The following TTC39C variants were observed in gnomAD, a reference collection of about 807,000 sequenced individuals.
The protein encoded by TTC39C is tetratricopeptide repeat protein 39C.
In TTC39C, 33 loss-of-function variants were observed where a neutral mutation model predicts 76.3. The observed-to-expected ratio is 0.43, with a 90% confidence interval of 0.33 to 0.58. The LOEUF (loss-of-function observed/expected upper bound fraction) is 0.58. TTC39C is among the 20% of genes least tolerant of loss of function. The probability of loss-of-function intolerance (pLI) is 0.04; values close to 1 mark genes in which losing one functional copy is unlikely to be tolerated. For missense variants in TTC39C, 595 were observed against 701.4 expected (o/e 0.85, Z 1.71); for synonymous variants, 254 against 260.6 (o/e 0.97, Z 0.24).
upstream of TTC39C, among the ~76,000 whole-genome samples, chr18:24,014,208 C>T (rs918670128): frequency 1.3e-5 from 2 of 151,916 alleles, no homozygotes; most frequent in African/African-American, 4.8e-5. Flanking sequence ...TCTGGGGTCG[C>T]GGGCGCGGGC....
intron 4 of TTC39C, among the ~76,000 whole-genome samples, chr18:24,071,889 A>T (rs1479304397): frequency 6.6e-6 from 1 of 152,174 alleles, no homozygotes; most frequent in Non-Finnish European, 1.5e-5. Flanking sequence ...CTGAAGTCCT[A>T]TGATTTATTG....
chr18:24,059,394 T>C (rs142220400), intron 1 of TTC39C, among the ~76,000 whole-genome samples: 1,954 of 152,262 alleles, frequency 0.013, 17 homozygotes, highest in Non-Finnish European at 0.021. Flanking sequence ...GGCCTCCGTG[T>C]CTGTTGTTCC....
Position 24,134,826 on chromosome 18 carries a change from AC to A in TTC39C, c.*2253del, listed in dbSNP as rs573261324. On this transcript the variant is annotated 3_prime_UTR_variant, in exon 14 of 14. Transcript: ENST00000317571. ...CCTGTGCTTTTGAATCTTTTTCAAAACATTTATTTCTGCCTGCTTAAAAAAA... is the reference window on the plus strand; with the variant it reads ...CCTGTGCTTTTGAATCTTTTTCAAAAATTTATTTCTGCCTGCTTAAAAAAA... 4 of 152,196 alleles carry A rather than the reference AC, an allele frequency of 2.6e-5. No homozygotes were observed. The highest frequency in any genetic ancestry group is 9.6e-5 in the African/African-American group (4 of 41,518). The allele number at this position is 152,196 out of a possible 1,614,324, so 9.4% of individuals were successfully genotyped here.
chr18:24,045,915 A>T (rs374120859), intron 1 of TTC39C, among the ~76,000 whole-genome samples: 58 of 20,242 alleles, frequency 2.9e-3, no homozygotes, highest in African/African-American at 8.6e-3. Flanking sequence ...ATATATATAT[A>T]TATATATATA....
At chr18:24,129,773 CAAA>C (rs5823413) in intron 11 of TTC39C, among the ~76,000 whole-genome samples, 33 of 94,978 alleles carry the variant, frequency 3.5e-4, no homozygotes, top group Admixed American at 5.4e-4. Context: ...GACTCCATCT[CAAA>C]AAAAAAAAAA....
intron 4 of TTC39C, 102 bp from the exon 5 acceptor site, chr18:24,080,483 A>G (rs2084362618): frequency 1.2e-6 from 1 of 847,408 alleles, no homozygotes; most frequent in Non-Finnish European, 1.8e-6. Flanking sequence ...TGTTTTTTAC[A>G]TTTTTGGCTT....
Position 24,107,438 on chromosome 18 carries a change from A to G in TTC39C, c.985-7116A>G, listed in dbSNP as rs373693783. Among the ~76,000 whole-genome samples the G allele has an allele frequency of 2.6e-5, 4 of 152,180 alleles. No homozygotes were observed. In the South Asian group the frequency reaches 8.3e-4, roughly 32 times the overall value. On this transcript the variant is annotated intron_variant, in intron 6 of 13. Coordinates refer to ENST00000317571, the MANE Select transcript of TTC39C (RefSeq NM_001135993.2). ...AATTTCCTCTTGAATTTTGGTTCCC[A>G]TAGTCCCCATGTGTCATGGGAGGGG...
intron 1 of TTC39C, among the ~76,000 whole-genome samples, chr18:24,051,451 A>G (rs530339604): frequency 6.6e-6 from 1 of 152,258 alleles, no homozygotes; most frequent in East Asian, 1.9e-4. Context: ...GGTGCCCCTG[A>G]CCTGCAGGGA....
intron 1 of TTC39C, among the ~76,000 whole-genome samples, chr18:24,060,307 G>A (rs111870015): frequency 0.072 from 9,553 of 132,798 alleles, 502 homozygotes; most frequent in East Asian, 0.27. Context: ...TTTGATTTGC[G>A]TTTCTGTTTT....
At position 24,037,940 on chromosome 18, in the gene TTC39C, A is replaced by G. The variant is rs78692472; in HGVS notation, c.167+22902A>G. Among the ~76,000 whole-genome samples, 747 of 152,178 alleles carry G rather than the reference A, an allele frequency of 4.9e-3. 7 individuals carry two copies. Among genetic ancestry groups the G allele is most frequent in the African/African-American group, 0.017 (697 of 41,486 alleles). On this transcript the variant is annotated intron_variant, in intron 1 of 13. Transcript: ENST00000317571. ...TTTCAGGCGACATGTTTCTTCAGAG[A>G]CTTCCCTGCAGGTGAGGCCTCAGCC...
chr18:23,996,253 G>A (rs1440523796), intron 1 of TTC39C, among the ~76,000 whole-genome samples: 1 of 152,154 alleles, frequency 6.6e-6, no homozygotes, highest in East Asian at 1.9e-4. Flanking sequence ...TTTCTAATTG[G>A]ATTTGGGCAT....
intron 6 of TTC39C, among the ~76,000 whole-genome samples, chr18:24,097,479 G>A (rs2084604989): frequency 6.6e-6 from 1 of 152,176 alleles, no homozygotes; most frequent in Non-Finnish European, 1.5e-5. Context: ...GCTGATCTGG[G>A]TGCAGTGGTT....
At chr18:24,016,760 C>G (rs1363539567) in intron 1 of TTC39C, 1 of 398,384 alleles carries the variant, frequency 2.5e-6, no homozygotes. Context: ...TTGGAGGTGT[C>G]CAGGGAATAT....
chr18:24,019,918 T>C (rs923430202), intron 1 of TTC39C: 9 of 1,521,924 alleles, frequency 5.9e-6, no homozygotes, highest in Non-Finnish European at 7.9e-6. Context: ...TCAAAGGCGC[T>C]TGTAAGAGAT....
chr18:24,007,618 A>T (rs1018250973), intron 1 of TTC39C, among the ~76,000 whole-genome samples: 1 of 152,206 alleles, frequency 6.6e-6, no homozygotes, highest in African/African-American at 2.4e-5. Flanking sequence ...TTCTGACCTC[A>T]GGTGATCCAC....
At position 24,028,359 on chromosome 18, in the gene TTC39C, TATAAG is replaced by T. The variant is rs150983170; in HGVS notation, c.167+13323_167+13327del. Among the ~76,000 whole-genome samples, 1,169 of 152,304 alleles carry T rather than the reference TATAAG, an allele frequency of 7.7e-3. 14 individuals are homozygous for T. Among genetic ancestry groups the T allele is most frequent in the African/African-American group, 0.027 (1,110 of 41,556 alleles). ...TGACATTTTGGATCTGGGCTGGGCT[TATAAG>T]AGAGAGTAGTTGAGGCTAACTTGAA... On this transcript the variant is annotated intron_variant, in intron 1 of 13. Transcript: ENST00000317571.
At chr18:24,131,969 C>CACTGTATGGGATACTCAG in intron 13 of TTC39C, 49 bp downstream of exon 13, 1 of 1,525,798 alleles carries the variant, frequency 6.6e-7, no homozygotes, top group Non-Finnish European at 9.0e-7. Context: ...TTATCCCATA[C>CACTGTATGGGATACTCAG]ACTGTATACC....
intron 6 of TTC39C, among the ~76,000 whole-genome samples, chr18:24,105,236 CAT>C (rs942841406): frequency 6.6e-6 from 1 of 152,080 alleles, no homozygotes; most frequent in Non-Finnish European, 1.5e-5. Context: ...TGGCCAATAA[CAT>C]GTGAACCTTG....
chr18:24,012,082 A>G (rs2083397634), upstream of TTC39C, among the ~76,000 whole-genome samples: 2 of 152,288 alleles, frequency 1.3e-5, no homozygotes, highest in South Asian at 2.1e-4. Context: ...CTCCCTTGCA[A>G]TGTGAATCCG....
Sources: allele counts gnomAD v4.1 joint callset (sites outside exome capture counted in the v4.1 genomes callset), GRCh38; gene constraint gnomAD v4.1.1; transcripts MANE v1.5; gene names NCBI Gene and HGNC (gene_info 2026-07-23, HGNC 2026-07-21).